Variants in CACNB2 observed in about 807,000 individuals in gnomAD.
The protein encoded by CACNB2 is voltage-dependent L-type calcium channel subunit beta-2.
Under a neutral mutation model 73.3 loss-of-function variants are expected in CACNB2, and 42 were observed. That is an observed-to-expected ratio of 0.57 (90% confidence interval 0.45 to 0.74). CACNB2 has a LOEUF of 0.74. Ranked by LOEUF, CACNB2 falls within the 30% of genes least tolerant of loss-of-function variation. CACNB2 has a pLI of 0.00. For synonymous variants in CACNB2, 348 were observed against 310.3 expected, an observed-to-expected ratio of 1.12 and a Z score of -1.28; for missense variants, 940 against 853.0, an observed-to-expected ratio of 1.10 and a Z score of -1.27.
chr10:18,356,947 T>TTTTTTTC (rs1564464264), intron 2 of CACNB2, among the ~76,000 whole-genome samples: 42 of 90,188 alleles, frequency 4.7e-4, no homozygotes, highest in Admixed American at 9.6e-4. Context: ...AATTTCTTTT[T>TTTTTTTC]TTTTTTTTTT....
chr10:18,435,577 C>T (rs943706323), intron 3 of CACNB2, among the ~76,000 whole-genome samples: 29 of 152,140 alleles, frequency 1.9e-4, no homozygotes, highest in African/African-American at 7.0e-4. Context: ...TAGCTCACTG[C>T]AGCCTCGACC....
intron 3 of CACNB2, among the ~76,000 whole-genome samples, chr10:18,445,598 CGA>C (rs72095579): frequency 0.26 from 39,235 of 152,026 alleles, 5,774 homozygotes; most frequent in Middle Eastern, 0.41. Flanking sequence ...TAAATATGAA[CGA>C]GAGAGACCGT....
intron 6 of CACNB2, among the ~76,000 whole-genome samples, chr10:18,511,314 A>G (rs2050768408): frequency 6.6e-6 from 1 of 152,154 alleles, no homozygotes. Flanking sequence ...GCAGGTATTC[A>G]CTCCATCACA....
intron 3 of CACNB2, among the ~76,000 whole-genome samples, chr10:18,466,643 C>T (rs2047904529): frequency 1.3e-5 from 2 of 152,112 alleles, no homozygotes; most frequent in Non-Finnish European, 2.9e-5. Context: ...ATTTGAGAAT[C>T]CATTGTAGAT....
At chr10:18,304,518 A>ATT (rs11450137) in intron 2 of CACNB2, among the ~76,000 whole-genome samples, 5 of 151,172 alleles carry the variant, frequency 3.3e-5, no homozygotes, top group Non-Finnish European at 7.4e-5. Context: ...TTTTCACTCC[A>ATT]TTTTTTTTTC....
At chr10:18,148,906 T>C (rs1048590770) in intron 1 of CACNB2, among the ~76,000 whole-genome samples, 1 of 151,730 alleles carries the variant, frequency 6.6e-6, no homozygotes, top group African/African-American at 2.4e-5. Context: ...GGTGGGAGGA[T>C]TGCTTGAGCC....
intron 2 of CACNB2, among the ~76,000 whole-genome samples, chr10:18,164,440 A>G (rs568161237): frequency 2.6e-5 from 4 of 152,186 alleles, no homozygotes; most frequent in Non-Finnish European, 5.9e-5. Context: ...GCCCTTTACC[A>G]TGAGTAATTA....
At chr10:18,523,522 T>C (rs1313832153) in intron 9 of CACNB2, among the ~76,000 whole-genome samples, 1 of 152,256 alleles carries the variant, frequency 6.6e-6, no homozygotes, top group African/African-American at 2.4e-5. Flanking sequence ...GTTTAATTAA[T>C]AGACCTGCCT....
chr10:18,340,459 G>A (rs2041184271), intron 2 of CACNB2, among the ~76,000 whole-genome samples: 1 of 152,202 alleles, frequency 6.6e-6, no homozygotes, highest in Non-Finnish European at 1.5e-5. Context: ...TTTCAAGACA[G>A]TAGTTTCTTT....
intron 6 of CACNB2, among the ~76,000 whole-genome samples, chr10:18,510,070 T>C (rs74739177): frequency 0.013 from 1,935 of 152,328 alleles, 19 homozygotes; most frequent in African/African-American, 0.017. Context: ...GTTTCTTTAA[T>C]ATGTTTTGAA....
chr10:18,414,992 A>G (rs535253329), intron 3 of CACNB2, among the ~76,000 whole-genome samples: 1 of 152,356 alleles, frequency 6.6e-6, no homozygotes, highest in South Asian at 2.1e-4. Flanking sequence ...AACTGTGGAA[A>G]AAAGTAGAAT....
chr10:18,515,131 G>C, intron 7 of CACNB2: 10 of 1,028,906 alleles, frequency 9.7e-6, no homozygotes, highest in Middle Eastern at 2.0e-4. Context: ...CCTTTGGACA[G>C]TGCAGCCAGT....
chr10:18,518,739 A>G (rs116484182), intron 8 of CACNB2, among the ~76,000 whole-genome samples, 171 bp from the exon 9 acceptor site: 6 of 152,196 alleles, frequency 3.9e-5, no homozygotes, highest in Non-Finnish European at 1.5e-5. Context: ...GTTCAGTTTA[A>G]TTGTCATTGC....
intron 3 of CACNB2, among the ~76,000 whole-genome samples, chr10:18,407,176 G>A (rs1300050960): frequency 1.6e-5 from 2 of 123,166 alleles, no homozygotes; most frequent in Non-Finnish European, 3.2e-5. Context: ...AGGCTGGAGT[G>A]CAGTGGTGCC....
At chr10:18,153,047 T>G (rs1485592278) in intron 2 of CACNB2, among the ~76,000 whole-genome samples, 2 of 152,210 alleles carry the variant, frequency 1.3e-5, no homozygotes, top group Non-Finnish European at 2.9e-5. Flanking sequence ...TAAACTGGAA[T>G]TTGTTTTTCT....
chr10:18,500,574 G>C (rs146165950), intron 4 of CACNB2, among the ~76,000 whole-genome samples: 16 of 152,312 alleles, frequency 1.1e-4, no homozygotes, highest in South Asian at 6.2e-4. Context: ...AGGGAATTCA[G>C]CCTGGTCCTA....
chr10:18,199,060 T>C (rs908969855), intron 2 of CACNB2, among the ~76,000 whole-genome samples: 1 of 152,184 alleles, frequency 6.6e-6, no homozygotes, highest in East Asian at 1.9e-4. Context: ...TTGCAACTCA[T>C]AGGTGCTAAT....
chr10:18,241,844 A>G (rs2036662764), intron 2 of CACNB2, among the ~76,000 whole-genome samples: 1 of 152,148 alleles, frequency 6.6e-6, no homozygotes, highest in Non-Finnish European at 1.5e-5. Flanking sequence ...TACAAATAGT[A>G]AGTGTCAGCT....
In CACNB2 at chr10:18,196,444, G is replaced by A. The variant is rs527539283; in HGVS notation, c.213+45469G>A. ...TGATCCTCTTACCTCAGCCTCCCGA[G>A]TAGCTGGGACTACAGGGGTGCTCCA... is the stretch of plus-strand genomic sequence containing the variant. On this transcript the variant is annotated intron_variant, in intron 2 of 13. Coordinates refer to ENST00000324631, the MANE Select transcript of CACNB2 (RefSeq NM_201596.3). 1.1e-3 allele frequency among the ~76,000 whole-genome samples: 160 copies of A among 152,060 alleles called. 1 individual carries two copies. Among genetic ancestry groups the A allele is most frequent in the Non-Finnish European group, 1.6e-3 (112 of 67,992 alleles).
Sources: allele counts gnomAD v4.1 joint callset (sites outside exome capture counted in the v4.1 genomes callset), GRCh38; gene constraint gnomAD v4.1.1; transcripts MANE v1.5; gene names NCBI Gene and HGNC (gene_info 2026-07-23, HGNC 2026-07-21).